PIK3CA: variants seen among roughly 807,000 people sequenced by gnomAD.
The protein encoded by PIK3CA is phosphatidylinositol-4,5-bisphosphate 3-kinase catalytic subunit alpha.
PIK3CA carries 27 observed loss-of-function variants against 138.2 expected under a neutral mutation model. The ratio of observed to expected loss-of-function variants is 0.20; its 90% CI spans 0.14 to 0.27. PIK3CA has a LOEUF of 0.27. Ranked by LOEUF, PIK3CA falls within the 10% of genes least tolerant of loss-of-function variation. The pLI is 1.00. For missense variants in PIK3CA, 544 were observed against 1,277.4 expected, an observed-to-expected ratio of 0.43 and a Z score of 8.75; for synonymous variants, 358 against 413.2, an observed-to-expected ratio of 0.87 and a Z score of 1.62.
chr3:179,202,635 T>C (rs1011506187), intron 4 of PIK3CA, among the ~76,000 whole-genome samples: 4 of 152,214 alleles, frequency 2.6e-5, no homozygotes, highest in African/African-American at 9.7e-5. Context: ...AAATAATGTG[T>C]ATATAGTAAC....
At chr3:179,150,235 T>G (rs1232074781) in intron 1 of PIK3CA, among the ~76,000 whole-genome samples, 1 of 151,834 alleles carries the variant, frequency 6.6e-6, no homozygotes, top group East Asian at 1.9e-4. Context: ...CATCTCACAT[T>G]TTGGGACAAA....
At chr3:179,203,920 G>A (rs1724489491) in intron 5 of PIK3CA, 131 bp downstream of exon 5, 9 of 619,976 alleles carry the variant, frequency 1.5e-5, no homozygotes, top group Middle Eastern at 4.4e-4. Flanking sequence ...ATCTCCGAAT[G>A]TAAAAATATA....
intron 1 of PIK3CA, among the ~76,000 whole-genome samples, chr3:179,196,025 C>A (rs767017637): frequency 2.6e-5 from 4 of 152,270 alleles, no homozygotes; most frequent in Non-Finnish European, 4.4e-5. Flanking sequence ...CACATTTATT[C>A]TCTTAATGAA....
At chr3:179,149,424 A>G (rs956979987) in intron 1 of PIK3CA, 2 of 152,166 alleles carry the variant, frequency 1.3e-5, no homozygotes, top group African/African-American at 2.4e-5. Flanking sequence ...CTAAAGGAAT[A>G]GTGATGGTGG....
At chr3:179,209,429 T>G (rs914460467) in intron 6 of PIK3CA, among the ~76,000 whole-genome samples, 166 bp from the exon 7 acceptor site, 3 of 152,204 alleles carry the variant, frequency 2.0e-5, no homozygotes, top group African/African-American at 7.2e-5. Context: ...TCCCTTTTCA[T>G]GTTTATTAAC....
intron 20 of PIK3CA, among the ~76,000 whole-genome samples, chr3:179,233,014 T>C (rs974544740): frequency 1.4e-4 from 21 of 152,008 alleles, no homozygotes; most frequent in Non-Finnish European, 1.8e-4. Flanking sequence ...TGCACCACCA[T>C]GCTCAGCTAA....
Position 179,239,642 on chromosome 3 carries a change from A to G in PIK3CA, c.*5278A>G. ...CTAAAAGAATATACCCTTTTGGAGC[A>G]TAACATTTTAATACCTTGGGGAATG... On this transcript the variant is annotated 3_prime_UTR_variant, in exon 21 of 21. Transcript: ENST00000263967. 1 of 256,220 alleles carries G rather than the reference A, an allele frequency of 3.9e-6. No individual in the cohort carries two copies. The highest frequency in any genetic ancestry group is 5.3e-5 in the Admixed American group (1 of 18,714). 15.9% of individuals were successfully genotyped at this position (256,220 alleles called of 1,614,324 possible).
intron 1 of PIK3CA, among the ~76,000 whole-genome samples, chr3:179,163,702 T>A (rs1312283309): frequency 1.3e-5 from 2 of 151,974 alleles, no homozygotes; most frequent in African/African-American, 2.4e-5. Context: ...GCTCATTTAC[T>A]AAAGAGGAAA....
rs1321591178 is a variant in PIK3CA at position 179,209,646 on chromosome 3, T to A, written c.1197T>A (p.Ala399=). Residue 399 remains alanine (A), a synonymous_variant, in exon 7 of 21, where the codon GCT becomes GCA. Transcript: ENST00000263967. ...TATACATTCCTGATCTTCCTCGTGC[T>A]GCTCGACTTTGCCTTTCCATTTGCT... ...YDIYIPDLPR[A]ARLCLSICSV... The A allele has an allele frequency of 6.2e-7, 1 of 1,612,654 alleles. No individual in the cohort carries two copies. Among genetic ancestry groups the A allele is most frequent in the South Asian group, 1.1e-5 (1 of 90,918 alleles).
At position 179,240,071 on chromosome 3, in the gene PIK3CA, A is replaced by AT; in HGVS notation, c.*5709dup. The AT allele has an allele frequency of 6.5e-7, 1 of 1,529,334 alleles. No individual in the cohort carries two copies. Among genetic ancestry groups the AT allele is most frequent in the South Asian group, 1.2e-5 (1 of 80,778 alleles). 94.7% of individuals were successfully genotyped at this position (1,529,334 alleles called of 1,614,324 possible). A position where few individuals can be genotyped will look rare whatever the true frequency, so the allele number is the denominator to read the frequency against. Reference sequence around the variant, plus strand: ...TGCAGTCTGTAACATCACGCTGTTTATTAAAAAAAAAAAGAAAAATTACTT... The same window carrying AT: ...TGCAGTCTGTAACATCACGCTGTTTATTTAAAAAAAAAAAGAAAAATTACTT... On this transcript the variant is annotated 3_prime_UTR_variant, in exon 21 of 21. Transcript: ENST00000263967.
intron 1 of PIK3CA, among the ~76,000 whole-genome samples, chr3:179,193,569 A>G (rs1473264382): frequency 6.6e-6 from 1 of 152,244 alleles, no homozygotes; most frequent in Admixed American, 6.5e-5. Flanking sequence ...TTGTGTTTTA[A>G]TATAACACAG....
intron 9 of PIK3CA, among the ~76,000 whole-genome samples, chr3:179,214,391 T>G (rs1724790224): frequency 6.6e-6 from 1 of 152,096 alleles, no homozygotes; most frequent in Non-Finnish European, 1.5e-5. Context: ...TCTCAGGGAA[T>G]AGGGAGTCCT....
chr3:179,201,494 G>C lies in PIK3CA; in HGVS notation c.767G>C (p.Gly256Ala), dbSNP rs1164194300. Residue 256 changes from glycine (G) to alanine (A), a missense_variant, in exon 4 of 21, where the codon GGA (glycine) becomes GCA (alanine). By Grantham distance (60) the Gly-to-Ala change is moderately conservative. Around this residue, in one of 14 missense-constraint regions of PIK3CA, gnomAD observed 234 missense variants for 401.3 expected, o/e 0.58. Coordinates refer to ENST00000263967, the MANE Select transcript of PIK3CA (RefSeq NM_006218.4). ...YQGKYILKVC[G>A]CDEYFLEKYP... ...GGCAAGTATATTTTAAAAGTGTGTG[G>C]ATGTGATGAATACTTCCTAGAAAAA... is the stretch of plus-strand genomic sequence containing the variant. 1 of 1,609,858 alleles carries C rather than the reference G, an allele frequency of 6.2e-7. No homozygotes were observed. Among genetic ancestry groups the C allele is most frequent in the Admixed American group, 1.7e-5 (1 of 60,008 alleles).
At chr3:179,223,300 C>G (rs1345981739) in intron 14 of PIK3CA, among the ~76,000 whole-genome samples, 6 of 152,048 alleles carry the variant, frequency 3.9e-5, no homozygotes, top group Non-Finnish European at 8.8e-5. Context: ...ACTTTTTCCC[C>G]CACTCACATT....
intron 14 of PIK3CA, among the ~76,000 whole-genome samples, chr3:179,222,081 A>T (rs1486883937): frequency 6.6e-6 from 1 of 151,360 alleles, no homozygotes; most frequent in Non-Finnish European, 1.5e-5. Flanking sequence ...TCCTAAATTC[A>T]CCACCTCTTA....
At chr3:179,153,004 A>G (rs1044984012) in intron 1 of PIK3CA, among the ~76,000 whole-genome samples, 5 of 152,136 alleles carry the variant, frequency 3.3e-5, no homozygotes, top group African/African-American at 1.2e-4. Flanking sequence ...TCATCATTCT[A>G]AAAAAAGGAA....
chr3:179,180,421 C>T (rs1723812542), intron 1 of PIK3CA, among the ~76,000 whole-genome samples: 1 of 152,002 alleles, frequency 6.6e-6, no homozygotes, highest in South Asian at 2.1e-4. Context: ...CTTTCCTTTC[C>T]ATCACCCATC....
chr3:179,187,932 C>T (rs867928893), intron 1 of PIK3CA, among the ~76,000 whole-genome samples: 3 of 152,144 alleles, frequency 2.0e-5, no homozygotes, highest in Admixed American at 6.5e-5. Flanking sequence ...CCACCATGCC[C>T]GACCCTCATT....
At chr3:179,158,857 A>G (rs1021313109) in intron 1 of PIK3CA, among the ~76,000 whole-genome samples, 27 of 152,244 alleles carry the variant, frequency 1.8e-4, no homozygotes, top group African/African-American at 6.0e-4. Context: ...ACCTGGTTTT[A>G]GTACTGTTGT....
Sources: gnomAD v4.1 joint callset for allele counts (sites outside exome capture counted in the v4.1 genomes callset) on GRCh38, gnomAD v4.1.1 for gene constraint, gnomAD v4.1.1 regional missense constraint, MANE v1.5 for transcripts, NCBI Gene and HGNC (gene_info 2026-07-23, HGNC 2026-07-21) for gene names.